TMEM169: variants seen among roughly 807,000 people sequenced by gnomAD.
The protein encoded by TMEM169 is transmembrane protein 169.
Under a neutral mutation model 27.3 loss-of-function variants are expected in TMEM169, and 18 were observed. The observed-to-expected ratio is 0.66, with a 90% CI of 0.46 to 0.98. TMEM169 has a LOEUF of 0.98. Ranked by LOEUF, TMEM169 falls within the 50% of genes least tolerant of loss-of-function variation. The pLI, the probability that TMEM169 is intolerant of heterozygous loss-of-function variation, is 0.00. For missense variants in TMEM169, 320 were observed against 368.6 expected (o/e 0.87, Z 1.08); for synonymous variants, 136 against 142.1 (o/e 0.96, Z 0.30).
rs141268130 is a variant in TMEM169 at position 216,099,470 on chromosome 2, C to G, written c.272-450C>G. On this transcript the variant is annotated intron_variant, in intron 2 of 2. Transcript: ENST00000437356. The surrounding 1 kb of genome is among the most constrained non-coding windows in gnomAD (Gnocchi z 5.0). ...AGGGCTGGATCAGGCATGTGAGGGG[C>G]CCCCTCTCAGAAAGCACAGAACTAG... Among the ~76,000 whole-genome samples the G allele has an allele frequency of 4.9e-3, 745 of 151,908 alleles. 8 individuals are homozygous for G. The highest frequency in any genetic ancestry group is 0.017 in the African/African-American group (700 of 41,360).
At chr2:216,098,129 A>G (rs940047798) in intron 2 of TMEM169, among the ~76,000 whole-genome samples, 86 of 152,266 alleles carry the variant, frequency 5.6e-4, no homozygotes, top group African/African-American at 2.1e-3. Flanking sequence ...AGAGTTTGAT[A>G]TTTGTTTCAA....
rs144100342 is a variant in TMEM169, at chr2:216,084,606, A to G, written c.-127+2627A>G. Among the ~76,000 whole-genome samples the G allele has an allele frequency of 3.7e-3, 564 of 152,338 alleles. 1 individual carries two copies. The highest frequency in any genetic ancestry group is 0.013 in the African/African-American group (546 of 41,574). Reference sequence around the variant, plus strand: ...AATGACAAATGTTGGTAAGCCTTACACAGGAAACAAGCTGTTGTGATAAAG... The same window carrying G: ...AATGACAAATGTTGGTAAGCCTTACGCAGGAAACAAGCTGTTGTGATAAAG... On this transcript the variant is annotated intron_variant, in intron 1 of 2. Transcript: ENST00000437356.
rs1696410682 is a variant in TMEM169 at position 216,102,172 on chromosome 2, A to G, written c.*1630A>G. On this transcript the variant is annotated 3_prime_UTR_variant, in exon 3 of 3. Coordinates refer to ENST00000437356, the MANE Select transcript of TMEM169 (RefSeq NM_001142311.2). ...AATTGCATCTGCCAAAGTTTCCTCC[A>G]ACAGCGATCAGTAGCCCTAAGTACA... 6.6e-6 allele frequency: 1 copy of G among 152,190 alleles called. No individual in the cohort carries two copies. The highest frequency in any genetic ancestry group is 2.1e-4 in the South Asian group (1 of 4,834). 9.4% of individuals were successfully genotyped at this position (152,190 alleles called of 1,614,324 possible).
At position 216,083,360 on chromosome 2, in the gene TMEM169, G is replaced by T. The variant is rs150619001; in HGVS notation, c.-127+1381G>T. ...CTCTTGGTTTGATCCCAATGACAAG[G>T]TGTTTTTTTTTAAGGAAAAGAAATA... On this transcript the variant is annotated intron_variant, in intron 1 of 2. Coordinates refer to ENST00000437356, the MANE Select transcript of TMEM169 (RefSeq NM_001142311.2). Among the ~76,000 whole-genome samples the T allele has an allele frequency of 3.3e-5, 5 of 152,204 alleles. No individual in the cohort carries two copies. The East Asian group carries it at 9.6e-4, about 29-fold the overall frequency.
chr2:216,102,061 A>G lies in TMEM169; in HGVS notation c.*1519A>G, dbSNP rs1266197631. The G allele has an allele frequency of 6.6e-6, 1 of 152,200 alleles. No individual in the cohort carries two copies. The highest frequency in any genetic ancestry group is 1.5e-5 in the Non-Finnish European group (1 of 68,036). The allele number at this position is 152,200 out of a possible 1,614,324, so 9.4% of individuals were successfully genotyped here. A position where few individuals can be genotyped will look rare whatever the true frequency, so the allele number is the denominator to read the frequency against. On this transcript the variant is annotated 3_prime_UTR_variant, in exon 3 of 3. Transcript: ENST00000437356. ...AATAGTGGACAGGAGAGTACAATTT[A>G]TAATAGTAGCATAACTCTTTGTCCT... is the stretch of plus-strand genomic sequence containing the variant.
Position 216,100,714 on chromosome 2 carries a change from C to G in TMEM169, c.*172C>G, listed in dbSNP as rs773614348. 2 of 857,086 alleles carry G rather than the reference C, an allele frequency of 2.3e-6. No individual in the cohort carries two copies. The highest frequency in any genetic ancestry group is 3.4e-5 in the African/African-American group (2 of 58,480). 53.1% of individuals were successfully genotyped at this position (857,086 alleles called of 1,614,324 possible). ...GGGTTCCAGGAGGGCATGGAGCAGA[C>G]AAGCAATTGTGCCAAAGCAGTTCAC... On this transcript the variant is annotated 3_prime_UTR_variant, in exon 3 of 3. Transcript: ENST00000437356.
At chr2:216,084,933 A>G (rs1317456677) in intron 1 of TMEM169, among the ~76,000 whole-genome samples, 2 of 152,190 alleles carry the variant, frequency 1.3e-5, no homozygotes, top group African/African-American at 2.4e-5. Flanking sequence ...CCACATGTAT[A>G]ACAGTAGGAA....
chr2:216,096,058 A>C lies in TMEM169; in HGVS notation c.95A>C (p.Asp32Ala). The C allele has an allele frequency of 6.2e-7, 1 of 1,614,224 alleles. No homozygotes were observed. Among genetic ancestry groups the C allele is most frequent in the South Asian group, 1.1e-5 (1 of 91,082 alleles). The change falls in exon 2 of 3, where the codon GAT becomes GCT. Residue 32 changes from aspartate (D) to alanine (A), a missense_variant. Coordinates refer to ENST00000437356, the MANE Select transcript of TMEM169 (RefSeq NM_001142311.2). The stretch of plus-strand genomic sequence containing the variant: ...GCTGTGGCTGCTGCCCTGGCGCTGG[A>C]TGGGGAATCCACAATGGGGCACAGG... ...RKAVAAALAL[D>A]GESTMGHRKK...
Position 216,102,244 on chromosome 2 carries a change from A to G in TMEM169, c.*1702A>G, listed in dbSNP as rs1696411955. The G allele has an allele frequency of 1.3e-5, 2 of 152,142 alleles. No individual in the cohort carries two copies. The highest frequency in any genetic ancestry group is 4.8e-5 in the African/African-American group (2 of 41,416). The allele number at this position is 152,142 out of a possible 1,614,324, so 9.4% of individuals were successfully genotyped here. On this transcript the variant is annotated 3_prime_UTR_variant, in exon 3 of 3. Coordinates refer to ENST00000437356, the MANE Select transcript of TMEM169 (RefSeq NM_001142311.2). ...TGTTGTTTGGCAAAACCTCACTCAGAGCTTTACTCCCTCAGACCTTTCTGA... is the reference window on the plus strand; with the variant it reads ...TGTTGTTTGGCAAAACCTCACTCAGGGCTTTACTCCCTCAGACCTTTCTGA...
chr2:216,100,660 G>A lies in TMEM169; in HGVS notation c.*118G>A. On this transcript the variant is annotated 3_prime_UTR_variant, in exon 3 of 3. Transcript: ENST00000437356. ...TCCGCAGTTCTTCTGGGAAATCAGAGTCCATACTGATCAGTTTTACCATCT... is the reference window on the plus strand; with the variant it reads ...TCCGCAGTTCTTCTGGGAAATCAGAATCCATACTGATCAGTTTTACCATCT... 7.2e-7 allele frequency: 1 copy of A among 1,386,016 alleles called. No homozygotes were observed. The highest frequency in any genetic ancestry group is 9.9e-7 in the Non-Finnish European group (1 of 1,014,404). The allele number at this position is 1,386,016 out of a possible 1,614,324, so 85.9% of individuals were successfully genotyped here. A position where few individuals can be genotyped will look rare whatever the true frequency, so the allele number is the denominator to read the frequency against.
chr2:216,087,619 T>C (rs1696036942), intron 1 of TMEM169, among the ~76,000 whole-genome samples: 1 of 152,210 alleles, frequency 6.6e-6, no homozygotes, highest in South Asian at 2.1e-4. Flanking sequence ...GCTTTGAAAT[T>C]AGCAAACCTG....
chr2:216,084,600 C>G (rs1695955241), intron 1 of TMEM169, among the ~76,000 whole-genome samples: 1 of 152,060 alleles, frequency 6.6e-6, no homozygotes, highest in Non-Finnish European at 1.5e-5. Context: ...TGTTGGTAAG[C>G]CTTACACAGG....
At chr2:216,096,686 C>G (rs981982977) in intron 2 of TMEM169, among the ~76,000 whole-genome samples, 1 of 152,170 alleles carries the variant, frequency 6.6e-6, no homozygotes, top group Non-Finnish European at 1.5e-5. Context: ...CTTCATTCAA[C>G]AAATGGTCAG....
At position 216,100,705 on chromosome 2, in the gene TMEM169, T is replaced by G. The variant is rs544024312; in HGVS notation, c.*163T>G. On this transcript the variant is annotated 3_prime_UTR_variant, in exon 3 of 3. Transcript: ENST00000437356. ...CCATCTTGAGGGTTCCAGGAGGGCA[T>G]GGAGCAGACAAGCAATTGTGCCAAA... is the stretch of plus-strand genomic sequence containing the variant. 3.3e-5 allele frequency: 31 copies of G among 947,322 alleles called. No individual in the cohort carries two copies. In the African/African-American group the frequency reaches 3.8e-4, roughly 12 times the overall value. 58.7% of individuals were successfully genotyped at this position (947,322 alleles called of 1,614,324 possible).
At position 216,100,344 on chromosome 2, in the gene TMEM169, C is replaced by G; in HGVS notation, c.696C>G (p.Val232=). Reference sequence around the variant, plus strand: ...CCCTCGGCCTCTACGCTGCTGTGGTCCAGCTCTCGTGGTCCTGGGAAGCAT... The same window carrying G: ...CCCTCGGCCTCTACGCTGCTGTGGTGCAGCTCTCGTGGTCCTGGGAAGCAT... The part of the protein sequence containing the change: ...ASSLGLYAAV[V]QLSWSWEAWW... The change falls in exon 3 of 3, where the codon GTC becomes GTG. Residue 232 remains valine (V), a synonymous_variant. Transcript: ENST00000437356. 6.2e-7 allele frequency: 1 copy of G among 1,613,984 alleles called. No individual in the cohort carries two copies. The highest frequency in any genetic ancestry group is 8.5e-7 in the Non-Finnish European group (1 of 1,180,002).
intron 1 of TMEM169, among the ~76,000 whole-genome samples, chr2:216,083,428 ACTTT>A (rs1398174138): frequency 1.6e-4 from 24 of 152,232 alleles, no homozygotes; most frequent in African/African-American, 5.3e-4. Flanking sequence ...AGAAGTCCAG[ACTTT>A]CTTTCTTGTG....
intron 1 of TMEM169, among the ~76,000 whole-genome samples, chr2:216,094,182 G>A (rs551823037): frequency 8.5e-5 from 13 of 152,346 alleles, no homozygotes; most frequent in African/African-American, 2.6e-4. Flanking sequence ...GCCTCGAGGA[G>A]TGTGGGGCGG....
Position 216,100,245 on chromosome 2 carries a change from C to T in TMEM169, c.597C>T (p.Thr199=). The change falls in exon 3 of 3, where the codon ACC becomes ACT. Residue 199 remains threonine (T), a synonymous_variant. Coordinates refer to ENST00000437356, the MANE Select transcript of TMEM169 (RefSeq NM_001142311.2). ...NIFLVYNEER[T]FWHKISYCPC... ...TCCTCGTGTATAATGAGGAAAGGACCTTCTGGCACAAGATCTCGTATTGCC... is the reference window on the plus strand; with the variant it reads ...TCCTCGTGTATAATGAGGAAAGGACTTTCTGGCACAAGATCTCGTATTGCC... 1 of 1,613,720 alleles carries T rather than the reference C, an allele frequency of 6.2e-7. No homozygotes were observed. Among genetic ancestry groups the T allele is most frequent in the South Asian group, 1.1e-5 (1 of 91,050 alleles).
chr2:216,092,254 C>G (rs1257376893), intron 1 of TMEM169, among the ~76,000 whole-genome samples: 1 of 152,216 alleles, frequency 6.6e-6, no homozygotes, highest in Admixed American at 6.5e-5. Flanking sequence ...CTGTACTAGT[C>G]TGTCCCTGGG....
Sources: allele counts gnomAD v4.1 joint callset (sites outside exome capture counted in the v4.1 genomes callset), GRCh38; gene constraint gnomAD v4.1.1; non-coding constraint Gnocchi (gnomAD v3.1); transcripts MANE v1.5; gene names NCBI Gene and HGNC (gene_info 2026-07-23, HGNC 2026-07-21).